The following CEP63 variants were observed in gnomAD, a reference collection of about 807,000 sequenced individuals.
The protein encoded by CEP63 is centrosomal protein of 63 kDa.
Under a neutral mutation model 89.1 loss-of-function variants are expected in CEP63, and 84 were observed. The observed-to-expected ratio is 0.94, with a 90% CI of 0.79 to 1.13. The LOEUF (loss-of-function observed/expected upper bound fraction) is 1.13. Ranked by LOEUF, CEP63 falls within the 50% of genes most tolerant of loss-of-function variation. CEP63 has a pLI of 0.00. For missense variants in CEP63, 838 were observed against 813.3 expected, an observed-to-expected ratio of 1.03 and a Z score of -0.37; for synonymous variants, 267 against 272.5, an observed-to-expected ratio of 0.98 and a Z score of 0.20.
chr3:134,647,524 T>C, the CEP63 span: 1 of 1,481,840 alleles, frequency 6.7e-7, no homozygotes, highest in Non-Finnish European at 9.4e-7. Flanking sequence ...TTCTCTGAGG[T>C]GGGAGACTCA....
At chr3:134,608,820 G>A in the CEP63 span, 1 of 1,612,158 alleles carries the variant, frequency 6.2e-7, no homozygotes, top group Non-Finnish European at 8.5e-7. Context: ...GGGTGGGTGA[G>A]GAAGTAGAAC....
intron 5 of CEP63, among the ~76,000 whole-genome samples, chr3:134,534,331 C>T (rs973036623): frequency 3.3e-5 from 5 of 152,126 alleles, no homozygotes; most frequent in African/African-American, 1.2e-4. Context: ...ACTGCCATTC[C>T]TTAGCTCTTG....
chr3:134,557,214 T>G (rs1956343169), intron 12 of CEP63, among the ~76,000 whole-genome samples: 1 of 152,128 alleles, frequency 6.6e-6, no homozygotes, highest in Non-Finnish European at 1.5e-5. Flanking sequence ...GCAGATGTTC[T>G]TCTCTGATAT....
intron 10 of CEP63, among the ~76,000 whole-genome samples, chr3:134,582,536 T>G (rs1958385218): frequency 6.6e-6 from 1 of 152,238 alleles, no homozygotes; most frequent in Admixed American, 6.5e-5. Context: ...TGCATAGTAT[T>G]CCATGGTGTA....
chr3:134,550,167 C>CA lies in CEP63; in HGVS notation c.1288dup (p.Thr430AsnfsTer31). 1.9e-6 allele frequency: 3 copies of CA among 1,613,724 alleles called. No homozygotes were observed. The highest frequency in any genetic ancestry group is 1.7e-6 in the Non-Finnish European group (2 of 1,179,634). On this transcript the variant is annotated frameshift_variant, in exon 11 of 15. Coordinates refer to ENST00000675561, the MANE Select transcript of CEP63 (RefSeq NM_001353108.3). LOFTEE classifies it high-confidence loss of function. ...CTCAGGAGTTACATCAGCGAGATAT[C>CA]ACTATTGCTTCCACCAAAGGTTCTT...
At chr3:134,679,435 G>A in the CEP63 span, among the ~76,000 whole-genome samples, 1 of 152,178 alleles carries the variant, frequency 6.6e-6, no homozygotes, top group East Asian at 1.9e-4. Flanking sequence ...GCAGTGGGTG[G>A]CAGAAGCAGT....
chr3:134,537,571 T>G (rs1266693435), intron 6 of CEP63, among the ~76,000 whole-genome samples: 5 of 152,196 alleles, frequency 3.3e-5, no homozygotes, highest in African/African-American at 1.2e-4. Flanking sequence ...TTACTCAGGC[T>G]CACTCTATGC....
At chr3:134,571,041 A>G (rs112880199) in intron 11 of CEP63, among the ~76,000 whole-genome samples, 1 of 152,236 alleles carries the variant, frequency 6.6e-6, no homozygotes, top group East Asian at 1.9e-4. Context: ...CCCATGATTC[A>G]ACCACCTCCC....
chr3:134,739,388 T>A, the CEP63 span, among the ~76,000 whole-genome samples: 1 of 152,198 alleles, frequency 6.6e-6, no homozygotes, highest in East Asian at 1.9e-4. Flanking sequence ...ATTGAAGATA[T>A]ATGTACCCTA....
downstream of CEP63, among the ~76,000 whole-genome samples, chr3:134,569,564 G>T (rs1957933088): frequency 6.6e-6 from 1 of 152,212 alleles, no homozygotes; most frequent in Non-Finnish European, 1.5e-5. Context: ...GGCTTCCCAT[G>T]GTCTTGCACA....
the CEP63 span, among the ~76,000 whole-genome samples, chr3:134,662,115 A>G: frequency 6.6e-6 from 1 of 152,050 alleles, no homozygotes; most frequent in Non-Finnish European, 1.5e-5. Context: ...TGTCTCTACT[A>G]CAAATACAAA....
the CEP63 span, among the ~76,000 whole-genome samples, chr3:134,758,545 AACCT>A: frequency 2.0e-5 from 3 of 152,222 alleles, no homozygotes; most frequent in African/African-American, 7.2e-5. Context: ...ACACATGAGA[AACCT>A]AAGTAAGGCC....
chr3:134,508,477 C>T (rs1944018197), intron 3 of CEP63, among the ~76,000 whole-genome samples: 1 of 152,118 alleles, frequency 6.6e-6, no homozygotes, highest in Admixed American at 6.5e-5. Flanking sequence ...GGCTACTTAG[C>T]TAGCACTTTG....
At chr3:134,723,828 G>T in the CEP63 span, among the ~76,000 whole-genome samples, 1 of 152,164 alleles carries the variant, frequency 6.6e-6, no homozygotes, top group African/African-American at 2.4e-5. Context: ...ATATCTGGTG[G>T]ACAATGACAG....
the CEP63 span, chr3:134,647,337 G>T: frequency 1.1e-6 from 1 of 947,374 alleles, no homozygotes; most frequent in Non-Finnish European, 1.6e-6. Context: ...TCAGTGGTTA[G>T]ATGTCTAGGG....
At chr3:134,697,282 T>A in the CEP63 span, among the ~76,000 whole-genome samples, 2 of 134,520 alleles carry the variant, frequency 1.5e-5, no homozygotes, top group African/African-American at 2.5e-5. Context: ...AAAGAAGAAC[T>A]TTTTTTTTGA....
At chr3:134,702,990 A>G in the CEP63 span, among the ~76,000 whole-genome samples, 2 of 152,124 alleles carry the variant, frequency 1.3e-5, no homozygotes, top group Non-Finnish European at 2.9e-5. Flanking sequence ...GGAATATAAA[A>G]CAGTCTATTA....
At chr3:134,771,318 T>A in the CEP63 span, among the ~76,000 whole-genome samples, 1 of 152,194 alleles carries the variant, frequency 6.6e-6, no homozygotes, top group Non-Finnish European at 1.5e-5. Context: ...GGGACATGGA[T>A]GAAGCTAGAA....
intron 1 of CEP63, among the ~76,000 whole-genome samples, chr3:134,494,601 G>C (rs1173351725): frequency 6.6e-6 from 1 of 152,160 alleles, no homozygotes; most frequent in African/African-American, 2.4e-5. Context: ...GAGCTCTGCA[G>C]CTGCAGAGAT....
Sources: allele counts gnomAD v4.1 joint callset (sites outside exome capture counted in the v4.1 genomes callset), GRCh38; gene constraint gnomAD v4.1.1; transcripts MANE v1.5; gene names NCBI Gene and HGNC (gene_info 2026-07-23, HGNC 2026-07-21).